FBXL7: variants seen among roughly 807,000 people sequenced by gnomAD.
FBXL7 encodes the protein F-box/LRR-repeat protein 7.
A neutral mutation model predicts 38.3 loss-of-function variants in FBXL7; 12 were observed. That is an observed-to-expected ratio of 0.31 (90% confidence interval 0.20 to 0.51). The LOEUF is 0.51. FBXL7 is among the 20% of genes least tolerant of loss of function. The pLI is 0.98. For missense variants in FBXL7, 567 were observed against 676.4 expected, an observed-to-expected ratio of 0.84 and a Z score of 1.79; for synonymous variants, 297 against 300.9, an observed-to-expected ratio of 0.99 and a Z score of 0.13.
At chr5:15,503,094 G>A (rs978369549) in intron 1 of FBXL7, among the ~76,000 whole-genome samples, 11 of 152,096 alleles carry the variant, frequency 7.2e-5, no homozygotes, top group Non-Finnish European at 1.6e-4. Context: ...TAATAGCTAG[G>A]CAAGATTGAA....
At chr5:15,896,268 C>T (rs1381578536) in intron 2 of FBXL7, among the ~76,000 whole-genome samples, 1 of 152,252 alleles carries the variant, frequency 6.6e-6, no homozygotes, top group Non-Finnish European at 1.5e-5. Flanking sequence ...TCAAGTGATC[C>T]ACCCACCTCG....
intron 2 of FBXL7, among the ~76,000 whole-genome samples, chr5:15,693,471 G>A (rs1308180517): frequency 1.3e-5 from 2 of 152,136 alleles, no homozygotes; most frequent in Non-Finnish European, 2.9e-5. Context: ...TACAGGCGGT[G>A]GGCCGGGAAG....
rs185032643 is a variant in FBXL7 at position 15,503,076 on chromosome 5, A to G, written c.37+2363A>G. Among the ~76,000 whole-genome samples, 1,001 of 152,290 alleles carry G rather than the reference A, an allele frequency of 6.6e-3. 14 individuals carry two copies. Among genetic ancestry groups the G allele is most frequent in the African/African-American group, 0.022 (935 of 41,560 alleles). On this transcript the variant is annotated intron_variant, in intron 1 of 3. Coordinates refer to ENST00000504595, the MANE Select transcript of FBXL7 (RefSeq NM_012304.5). ...TATATTTGAGTCCCTGTGAACTGCA[A>G]CCTAACTTAATAGCTAGGCAAGATT...
At chr5:15,588,662 T>C (rs1835133) in intron 1 of FBXL7, among the ~76,000 whole-genome samples, 82,231 of 151,972 alleles carry the variant, frequency 0.54, 23,012 homozygotes, top group African/African-American at 0.67. Flanking sequence ...GCTGGGATTA[T>C]AGGCGTGAGC....
intron 1 of FBXL7, among the ~76,000 whole-genome samples, chr5:15,614,673 A>G (rs914111395): frequency 1.3e-5 from 2 of 152,198 alleles, no homozygotes; most frequent in East Asian, 3.9e-4. Flanking sequence ...AATTCTGAAC[A>G]TGCATTAGCT....
At chr5:15,718,248 T>A (rs983275269) in intron 2 of FBXL7, among the ~76,000 whole-genome samples, 2 of 152,206 alleles carry the variant, frequency 1.3e-5, no homozygotes, top group African/African-American at 4.8e-5. Context: ...GATATATAGA[T>A]GTTTATTGTA....
At chr5:15,544,579 C>T (rs1737849262) in intron 1 of FBXL7, among the ~76,000 whole-genome samples, 1 of 152,080 alleles carries the variant, frequency 6.6e-6, no homozygotes, top group Non-Finnish European at 1.5e-5. Flanking sequence ...CACACATCCC[C>T]CAACCTGCCA....
chr5:15,615,958 AGCT>A, intron 1 of FBXL7, 22 bp from the exon 2 acceptor site: 1 of 1,569,198 alleles, frequency 6.4e-7, no homozygotes, highest in Non-Finnish European at 8.8e-7. Flanking sequence ...AAATCTCAAA[AGCT>A]GCTCATTCCT....
chr5:15,751,912 T>C (rs564182081), intron 2 of FBXL7, among the ~76,000 whole-genome samples: 8 of 152,186 alleles, frequency 5.3e-5, no homozygotes, highest in Admixed American at 1.3e-4. Context: ...GGAGAATCCA[T>C]AGAGTCAGTA....
At chr5:15,724,207 T>C (rs1744278531) in intron 2 of FBXL7, among the ~76,000 whole-genome samples, 1 of 152,208 alleles carries the variant, frequency 6.6e-6, no homozygotes, top group South Asian at 2.1e-4. Context: ...TTTTAGTTTC[T>C]TTCATGCTCA....
intron 2 of FBXL7, among the ~76,000 whole-genome samples, chr5:15,841,355 A>G (rs898692786): frequency 4.6e-5 from 7 of 152,290 alleles, no homozygotes; most frequent in African/African-American, 1.4e-4. Flanking sequence ...ATGTCCCTCC[A>G]TTTATAGTTT....
intron 2 of FBXL7, among the ~76,000 whole-genome samples, chr5:15,657,735 G>T (rs1741928321): frequency 6.6e-6 from 1 of 152,038 alleles, no homozygotes; most frequent in Non-Finnish European, 1.5e-5. Flanking sequence ...GTGTTGGGGA[G>T]GCTGAGGCAG....
chr5:15,765,757 C>T (rs1284307770), intron 2 of FBXL7, among the ~76,000 whole-genome samples: 1 of 152,078 alleles, frequency 6.6e-6, no homozygotes, highest in Non-Finnish European at 1.5e-5. Flanking sequence ...AGTGTGAATC[C>T]ATCCATCTGC....
intron 2 of FBXL7, among the ~76,000 whole-genome samples, chr5:15,696,933 G>A (rs771771642): frequency 1.3e-4 from 20 of 152,132 alleles, no homozygotes; most frequent in Non-Finnish European, 2.5e-4. Flanking sequence ...GTGTCTTTGT[G>A]TCTTTATCCT....
intron 2 of FBXL7, among the ~76,000 whole-genome samples, chr5:15,771,338 G>C (rs1397957092): frequency 6.6e-6 from 1 of 152,238 alleles, no homozygotes; most frequent in Non-Finnish European, 1.5e-5. Flanking sequence ...AACAGTGGAA[G>C]AACGCAGTTC....
At chr5:15,720,807 T>C (rs1396709440) in intron 2 of FBXL7, among the ~76,000 whole-genome samples, 1 of 72,320 alleles carries the variant, frequency 1.4e-5, no homozygotes, top group Non-Finnish European at 3.4e-5. Context: ...ATTATTAGAG[T>C]ATAATATTAT....
intron 2 of FBXL7, among the ~76,000 whole-genome samples, chr5:15,698,426 G>T (rs918531458): frequency 6.6e-6 from 1 of 152,160 alleles, no homozygotes; most frequent in African/African-American, 2.4e-5. Context: ...AAAAATCTCA[G>T]AGCTAGAATA....
chr5:15,566,322 AAACT>A (rs1738569968), intron 1 of FBXL7, among the ~76,000 whole-genome samples: 1 of 152,128 alleles, frequency 6.6e-6, no homozygotes, highest in Admixed American at 6.6e-5. Flanking sequence ...TTAAGTAGTA[AAACT>A]GGACAACCTG....
chr5:15,583,293 G>C (rs1347373065), intron 1 of FBXL7, among the ~76,000 whole-genome samples: 2 of 152,018 alleles, frequency 1.3e-5, no homozygotes, highest in Non-Finnish European at 2.9e-5. Flanking sequence ...ATTTGGATGG[G>C]GACACAGAAC....
Sources: allele counts gnomAD v4.1 joint callset (sites outside exome capture counted in the v4.1 genomes callset), GRCh38; gene constraint gnomAD v4.1.1; transcripts MANE v1.5; gene names NCBI Gene and HGNC (gene_info 2026-07-23, HGNC 2026-07-21).